The following PDCD5 variants were observed in gnomAD, a reference collection of about 807,000 sequenced individuals.
The protein encoded by PDCD5 is programmed cell death 5.
Under a neutral mutation model 21.9 loss-of-function variants are expected in PDCD5, and 23 were observed. That is an observed-to-expected ratio of 1.05 (90% CI 0.76 to 1.49). The LOEUF (loss-of-function observed/expected upper bound fraction) is 1.49. PDCD5 is among the 40% of genes most tolerant of loss of function. The pLI is 0.00. For missense variants in PDCD5, 152 were observed against 147.7 expected (o/e 1.03, Z -0.15); for synonymous variants, 45 against 49.4 (o/e 0.91, Z 0.37).
chr19:32,585,420 GAC>G (rs1204266284), intron 3 of PDCD5, among the ~76,000 whole-genome samples: 1 of 152,280 alleles, frequency 6.6e-6, no homozygotes, highest in African/African-American at 2.4e-5. Flanking sequence ...GAAAAAATGA[GAC>G]AGTCAGAATG....
In PDCD5 at chr19:32,585,785, G is replaced by C. The variant is rs1303078485; in HGVS notation, c.167-31G>C. On this transcript the variant is annotated intron_variant, in intron 3 of 5. Coordinates refer to ENST00000590247, the MANE Select transcript of PDCD5 (RefSeq NM_004708.4). ...AACATAAGTGCATTTGATTTTAATGGATTTTTTGCATATGTATTTTTTCTT... is the reference window on the plus strand; with the variant it reads ...AACATAAGTGCATTTGATTTTAATGCATTTTTTGCATATGTATTTTTTCTT... 6 of 1,260,640 alleles carry C rather than the reference G, an allele frequency of 4.8e-6. No individual in the cohort carries two copies. In the African/African-American group the frequency reaches 8.9e-5, roughly 19 times the overall value. The allele number at this position is 1,260,640 out of a possible 1,614,324, so 78.1% of individuals were successfully genotyped here.
At chr19:32,587,124 C>T in intron 5 of PDCD5, 129 bp from the exon 6 acceptor site, 4 of 820,214 alleles carry the variant, frequency 4.9e-6, no homozygotes, top group South Asian at 3.4e-5. Context: ...CCATTCCCAC[C>T]CTTTTAGTTC....
At chr19:32,585,082 T>A in intron 3 of PDCD5, 71 bp downstream of exon 3, 1 of 1,012,884 alleles carries the variant, frequency 9.9e-7, no homozygotes, top group Non-Finnish European at 1.6e-6. Context: ...GATACCATTA[T>A]TGCTATCACT....
intron 4 of PDCD5, 129 bp from the exon 5 acceptor site, chr19:32,586,729 G>C (rs1971480407): frequency 7.2e-7 from 1 of 1,393,882 alleles, no homozygotes; most frequent in South Asian, 1.9e-5. Context: ...TCAACCTCCT[G>C]CCTCACCACT....
rs535015298 is a variant in PDCD5, at chr19:32,582,454, A to G, written c.104+222A>G. Among the ~76,000 whole-genome samples the G allele has an allele frequency of 7.2e-5, 11 of 152,274 alleles. No individual in the cohort carries two copies. In the South Asian group the frequency reaches 2.3e-3, roughly 32 times the overall value. On this transcript the variant is annotated intron_variant, in intron 2 of 5. Coordinates refer to ENST00000590247, the MANE Select transcript of PDCD5 (RefSeq NM_004708.4). ...AATTACTGGTTGATGTTTCTCTGCTACAATGTGAGTACCTTAAAAATGAGC... is the reference window on the plus strand; with the variant it reads ...AATTACTGGTTGATGTTTCTCTGCTGCAATGTGAGTACCTTAAAAATGAGC...
At position 32,581,342 on chromosome 19, in the gene PDCD5, C is replaced by G. The variant is rs894729812; in HGVS notation, c.66+15C>G. On this transcript the variant is annotated intron_variant, in intron 1 of 5. Coordinates refer to ENST00000590247, the MANE Select transcript of PDCD5 (RefSeq NM_004708.4). The stretch of plus-strand genomic sequence containing the variant: ...CCAAACACGGGGTGAGCGCATCAGC[C>G]CCCGCCAGGCTTGGCCCTCGCGGGG... 2.0e-6 allele frequency: 3 copies of G among 1,479,076 alleles called. No homozygotes were observed. Among genetic ancestry groups the G allele is most frequent in the Admixed American group, 2.3e-5 (1 of 44,260 alleles). The allele number at this position is 1,479,076 out of a possible 1,614,324, so 91.6% of individuals were successfully genotyped here.
intron 1 of PDCD5, 38 bp from the exon 2 acceptor site, chr19:32,582,156 GT>G (rs1971433822): frequency 6.5e-7 from 1 of 1,533,332 alleles, no homozygotes; most frequent in Non-Finnish European, 9.0e-7. Context: ...GCCGCCTCCC[GT>G]GAAATTTCTC....
intron 1 of PDCD5, 117 bp downstream of exon 1, chr19:32,581,444 G>T: frequency 1.8e-6 from 1 of 563,248 alleles, no homozygotes; most frequent in Non-Finnish European, 2.7e-6. Flanking sequence ...CCGGTCCCCT[G>T]CGCTGCCCTG....
At chr19:32,583,353 T>C (rs929900738) in intron 2 of PDCD5, among the ~76,000 whole-genome samples, 1 of 152,084 alleles carries the variant, frequency 6.6e-6, no homozygotes, top group African/African-American at 2.4e-5. Context: ...CAGAACTCAC[T>C]GCAGCCTCAA....
chr19:32,583,051 A>T (rs1971444005), intron 2 of PDCD5, among the ~76,000 whole-genome samples: 1 of 152,162 alleles, frequency 6.6e-6, no homozygotes, highest in African/African-American at 2.4e-5. Context: ...TGCCTTTTAA[A>T]ACAGATTGCT....
At chr19:32,586,206 A>G (rs1971474848) in intron 4 of PDCD5, 1 of 1,444,064 alleles carries the variant, frequency 6.9e-7, no homozygotes, top group Non-Finnish European at 9.0e-7. Context: ...AGTAACACCA[A>G]TTAAAATACT....
chr19:32,581,851 G>C (rs1479543541), intron 1 of PDCD5, among the ~76,000 whole-genome samples: 1 of 152,200 alleles, frequency 6.6e-6, no homozygotes, highest in African/African-American at 2.4e-5. Context: ...CGGGACCTTA[G>C]GGACGGAGGG....
intron 5 of PDCD5, 144 bp from the exon 6 acceptor site, chr19:32,587,109 T>A: frequency 1.3e-6 from 1 of 794,774 alleles, no homozygotes; most frequent in Non-Finnish European, 2.1e-6. Context: ...TATAGGCTCT[T>A]GACTCCATTC....
At chr19:32,584,886 G>T in intron 2 of PDCD5, 64 bp from the exon 3 acceptor site, 1 of 1,328,968 alleles carries the variant, frequency 7.5e-7, no homozygotes, top group Admixed American at 1.7e-5. Context: ...GTTCTTTCTC[G>T]TATGTTACAT....
chr19:32,583,559 G>C (rs1971449508), intron 2 of PDCD5, among the ~76,000 whole-genome samples: 1 of 151,068 alleles, frequency 6.6e-6, no homozygotes, highest in South Asian at 2.1e-4. Context: ...CCCCAGTTTT[G>C]AATGGAGATC....
intron 4 of PDCD5, 25 bp downstream of exon 4, chr19:32,585,932 CT>C: frequency 6.8e-6 from 11 of 1,613,866 alleles, no homozygotes; most frequent in Non-Finnish European, 9.3e-6. Context: ...CCTTGAGGAA[CT>C]TTACTGTTAC....
chr19:32,581,482 C>G, intron 1 of PDCD5, 155 bp downstream of exon 1: 1 of 410,084 alleles, frequency 2.4e-6, no homozygotes, highest in East Asian at 3.9e-5. Context: ...TCAGAGGTGG[C>G]CTCGTCGCTT....
intron 5 of PDCD5, 134 bp from the exon 6 acceptor site, chr19:32,587,119 C>T: frequency 2.5e-6 from 2 of 812,596 alleles, no homozygotes; most frequent in Admixed American, 2.4e-5. Context: ...TGACTCCATT[C>T]CCACCCTTTT....
chr19:32,586,157 C>G, intron 4 of PDCD5: 3 of 1,468,858 alleles, frequency 2.0e-6, no homozygotes, highest in Non-Finnish European at 2.7e-6. Context: ...TTAGGGTCAG[C>G]TAGCTTCAAT....
Sources: allele counts gnomAD v4.1 joint callset (sites outside exome capture counted in the v4.1 genomes callset), GRCh38; gene constraint gnomAD v4.1.1; transcripts MANE v1.5; gene names NCBI Gene and HGNC (gene_info 2026-07-23, HGNC 2026-07-21).